Variants in ARHGEF9 observed in about 807,000 individuals in gnomAD.
ARHGEF9 encodes the protein rho guanine nucleotide exchange factor 9.
Under a neutral mutation model 41.3 loss-of-function variants are expected in ARHGEF9, and 2 were observed. The observed-to-expected ratio is 0.05, with a 90% CI of 0.02 to 0.15. ARHGEF9 has a LOEUF of 0.15. Among genes scored for constraint, ARHGEF9 ranks in the 10% least tolerant of loss-of-function variants. The pLI is 1.00. For missense variants in ARHGEF9, 225 were observed against 424.7 expected, an observed-to-expected ratio of 0.53 and a Z score of 4.13; for synonymous variants, 160 against 154.4, an observed-to-expected ratio of 1.04 and a Z score of -0.27.
chrX:63,767,248 G>T (rs1415102292), intron 1 of ARHGEF9: 2 of 571,099 alleles, frequency 3.5e-6, no homozygotes, highest in Non-Finnish European at 6.1e-6. Context: ...TGGATGGAAA[G>T]CACCACTTGC....
chrX:63,746,226 C>A (rs1467002896), intron 1 of ARHGEF9, among the ~76,000 whole-genome samples: 1 of 111,930 alleles, frequency 8.9e-6, no homozygotes, highest in African/African-American at 3.3e-5. Context: ...CAACACTCAA[C>A]CTTGGTGCTC....
intron 8 of ARHGEF9, among the ~76,000 whole-genome samples, chrX:63,644,432 T>C (rs1213454607): frequency 9.1e-6 from 1 of 109,997 alleles, no homozygotes; most frequent in Non-Finnish European, 1.9e-5. Flanking sequence ...AAACAGCAAA[T>C]GTATATATAG....
chrX:63,744,477 G>T (rs2055148844), intron 1 of ARHGEF9, among the ~76,000 whole-genome samples: 1 of 112,422 alleles, frequency 8.9e-6, no homozygotes, highest in East Asian at 2.8e-4. Context: ...TATTTTTCTA[G>T]AAAATATAGC....
At chrX:63,691,160 A>G (rs1246504404) in intron 4 of ARHGEF9, among the ~76,000 whole-genome samples, 1 of 111,937 alleles carries the variant, frequency 8.9e-6, no homozygotes, top group Non-Finnish European at 1.9e-5. Context: ...GAATGAAATA[A>G]AGGGTATCCA....
At chrX:63,645,070 C>G (rs1214320807) in intron 8 of ARHGEF9, among the ~76,000 whole-genome samples, 1 of 110,356 alleles carries the variant, frequency 9.1e-6, no homozygotes, top group Non-Finnish European at 1.9e-5. Flanking sequence ...CCACTGTACC[C>G]AGTGTAATAG....
intron 1 of ARHGEF9, among the ~76,000 whole-genome samples, chrX:63,779,633 A>G (rs1306110138): frequency 1.8e-5 from 2 of 111,852 alleles, no homozygotes; most frequent in Non-Finnish European, 3.8e-5. Context: ...TTTCACAAAA[A>G]GACTGTCACT....
intron 8 of ARHGEF9, among the ~76,000 whole-genome samples, chrX:63,647,491 T>C (rs1288646321): frequency 8.9e-6 from 1 of 112,024 alleles, no homozygotes; most frequent in Non-Finnish European, 1.9e-5. Flanking sequence ...GAGATAATCA[T>C]GTGGTTTTTG....
At chrX:63,766,337 G>C (rs1556451861) in intron 1 of ARHGEF9, among the ~76,000 whole-genome samples, 1 of 111,995 alleles carries the variant, frequency 8.9e-6, no homozygotes, top group Non-Finnish European at 1.9e-5. Flanking sequence ...GATATCCAGA[G>C]GAGTTAGGTA....
chrX:63,732,386 T>C (rs1301346323), intron 1 of ARHGEF9: 1 of 110,630 alleles, frequency 9.0e-6, no homozygotes, highest in Non-Finnish European at 1.9e-5. Context: ...AGGAAAATCT[T>C]CTGGCCCTGC....
chrX:63,687,742 G>A (rs2051074452), intron 4 of ARHGEF9, among the ~76,000 whole-genome samples: 1 of 109,694 alleles, frequency 9.1e-6, no homozygotes, highest in Admixed American at 9.8e-5. Context: ...ACATGGGATG[G>A]TCTCAACAAC....
At chrX:63,753,425 A>T (rs782788646) in intron 1 of ARHGEF9, among the ~76,000 whole-genome samples, 56 of 112,127 alleles carry the variant, frequency 5.0e-4, no homozygotes, top group African/African-American at 1.7e-3. Context: ...AGCCTTATCA[A>T]GTTACATTTA....
At chrX:63,726,465 A>C (rs1556417111) in intron 1 of ARHGEF9, among the ~76,000 whole-genome samples, 1 of 111,594 alleles carries the variant, frequency 9.0e-6, no homozygotes, top group Non-Finnish European at 1.9e-5. Flanking sequence ...CGGCCTCCCA[A>C]GTAGCTGGGA....
intron 1 of ARHGEF9, among the ~76,000 whole-genome samples, chrX:63,742,505 T>C (rs1167908906): frequency 8.9e-6 from 1 of 111,853 alleles, no homozygotes; most frequent in Admixed American, 9.5e-5. Context: ...CCTATTCTTG[T>C]CATTCCACAC....
At chrX:63,699,667 A>G (rs1556393113) in intron 3 of ARHGEF9, among the ~76,000 whole-genome samples, 1 of 112,064 alleles carries the variant, frequency 8.9e-6, no homozygotes, top group East Asian at 2.8e-4. Context: ...GAATGCCCAC[A>G]GGATGGTAGG....
At chrX:63,697,478 G>C (rs2051831878) in intron 3 of ARHGEF9, among the ~76,000 whole-genome samples, 174 bp from the exon 4 acceptor site, 2 of 111,825 alleles carry the variant, frequency 1.8e-5, no homozygotes, top group Admixed American at 9.5e-5. Flanking sequence ...CCCCCAGTGA[G>C]TAATTAGGAA....
intron 1 of ARHGEF9, among the ~76,000 whole-genome samples, chrX:63,752,150 G>C (rs2147778803): frequency 9.1e-6 from 1 of 110,308 alleles, no homozygotes; most frequent in East Asian, 2.9e-4. Flanking sequence ...ATCACCCTTT[G>C]ATTAACATTT....
intron 4 of ARHGEF9, among the ~76,000 whole-genome samples, chrX:63,695,727 A>T (rs1556387325): frequency 8.9e-6 from 1 of 111,868 alleles, no homozygotes; most frequent in Admixed American, 9.5e-5. Flanking sequence ...CCCTGATAAG[A>T]GTGGCTCACT....
chrX:63,755,704 A>G (rs2055908732), intron 1 of ARHGEF9: 2 of 306,020 alleles, frequency 6.5e-6, no homozygotes, highest in African/African-American at 5.8e-5. Flanking sequence ...ACTGCCTAAG[A>G]ATTTACAGGC....
intron 4 of ARHGEF9, among the ~76,000 whole-genome samples, chrX:63,681,164 G>A (rs1169787713): frequency 5.4e-5 from 6 of 111,314 alleles, no homozygotes; most frequent in Non-Finnish European, 1.1e-4. Context: ...CTACCTCCTT[G>A]GATGCTCTGG....
Sources: allele counts gnomAD v4.1 joint callset (sites outside exome capture counted in the v4.1 genomes callset), GRCh38; gene constraint gnomAD v4.1.1; transcripts MANE v1.5; gene names NCBI Gene and HGNC (gene_info 2026-07-23, HGNC 2026-07-21).